The following SFTPB variants were observed in gnomAD, a reference collection of about 807,000 sequenced individuals.
The protein encoded by SFTPB is surfactant protein B, also known as pulmonary surfactant-associated protein B.
SFTPB carries 32 observed loss-of-function variants against 51.0 expected under a neutral mutation model. The observed-to-expected ratio is 0.63, with a 90% confidence interval of 0.47 to 0.84. The LOEUF (loss-of-function observed/expected upper bound fraction) is 0.84, where lower values mean the gene tolerates loss of function less well. Among genes scored for constraint, SFTPB ranks in the 40% least tolerant of loss-of-function variants. The pLI is 0.00. For synonymous variants in SFTPB, 211 were observed against 208.5 expected, an observed-to-expected ratio of 1.01 and a Z score of -0.10; for missense variants, 431 against 491.2, an observed-to-expected ratio of 0.88 and a Z score of 1.16.
rs34294663 is a variant in SFTPB at position 85,666,763 on chromosome 2, G to A, written c.268-21C>T. 2.7e-4 allele frequency: 432 copies of A among 1,613,360 alleles called. 1 individual carries two copies. In the African/African-American group the frequency reaches 4.6e-3, roughly 17 times the overall value. ...GTGTCCTGGGAGGCCAGAGGGGGCC[G>A]TCAGCTGGGCCTCTCTGAGGTCTAC... On this transcript the variant is annotated intron_variant, in intron 3 of 10. Coordinates refer to ENST00000519937, the MANE Select transcript of SFTPB (RefSeq NM_000542.5).
chr2:85,665,406 G>T, intron 5 of SFTPB, 28 bp from the exon 6 acceptor site: 1 of 1,580,504 alleles, frequency 6.3e-7, no homozygotes, highest in Non-Finnish European at 8.7e-7. Flanking sequence ...TGGAGGCCAG[G>T]CTGGGTGCTG....
Position 85,666,630 on chromosome 2 carries a change from A to C in SFTPB, c.380T>G (p.Phe127Cys), listed in dbSNP as rs1677657202. 6 of 1,613,294 alleles carry C rather than the reference A, an allele frequency of 3.7e-6. No homozygotes were observed. The highest frequency in any genetic ancestry group is 1.3e-5 in the African/African-American group (1 of 74,718). The change falls in exon 4 of 11, where the codon TTC (phenylalanine) becomes TGC (cysteine). Residue 127 changes from phenylalanine to cysteine, a missense_variant. Coordinates refer to ENST00000519937, the MANE Select transcript of SFTPB (RefSeq NM_000542.5). ...TGCAGCCCTCACAGTCTGGTTCTGGAAGTAGTCGATGACCAGGGGGAAGTA... is the reference window on the plus strand; with the variant it reads ...TGCAGCCCTCACAGTCTGGTTCTGGCAGTAGTCGATGACCAGGGGGAAGTA... ...DDYFPLVIDY[F>C]QNQTDSNGIC...
At chr2:85,666,215 C>CTG (rs34530476) in intron 4 of SFTPB, among the ~76,000 whole-genome samples, 13,748 of 96,138 alleles carry the variant, frequency 0.14, 1,028 homozygotes, top group African/African-American at 0.21. Flanking sequence ...TGTGTGTGTG[C>CTG]TGTGTGTGTG....
chr2:85,661,283 C>A, intron 10 of SFTPB, 171 bp downstream of exon 10: 1 of 546,454 alleles, frequency 1.8e-6, no homozygotes, highest in Non-Finnish European at 3.3e-6. Flanking sequence ...GGGTGTTTTC[C>A]TGATGGCCAG....
At chr2:85,666,845 C>T (rs774508107) in intron 3 of SFTPB, 103 bp from the exon 4 acceptor site, 37 of 1,508,752 alleles carry the variant, frequency 2.5e-5, no homozygotes, top group Non-Finnish European at 3.3e-5. Flanking sequence ...CCTAATCCCC[C>T]AGGGTGCTGG....
Position 85,665,761 on chromosome 2 carries a change from A to G in SFTPB, c.427T>C (p.Cys143Arg). 1 of 1,614,170 alleles carries G rather than the reference A, an allele frequency of 6.2e-7. No homozygotes were observed. Among genetic ancestry groups the G allele is most frequent in the Non-Finnish European group, 8.5e-7 (1 of 1,180,030 alleles). Residue 143 changes from cysteine (C) to arginine (R), a missense_variant, in exon 5 of 11, where the codon TGC becomes CGC. Transcript: ENST00000519937. ...SNGICMHLGLCKSRQPEPEQE... is the reference protein window; with the variant it reads ...SNGICMHLGLRKSRQPEPEQE... ...TCTGGCTCTGGCTGCCGGGATTTGC[A>G]CAGGCCCAGGTGCATACAGATGCCG...
At chr2:85,661,960 C>T (rs532443417) in intron 9 of SFTPB, 69 bp downstream of exon 9, 9 of 1,477,402 alleles carry the variant, frequency 6.1e-6, no homozygotes, top group Middle Eastern at 2.2e-4. Flanking sequence ...CTGAGGATCA[C>T]GGGCCCAAAG....
In SFTPB at chr2:85,667,765, C is replaced by T. The variant is rs776744560; in HGVS notation, c.109G>A (p.Glu37Lys). Reference protein sequence around the residue: ...TSSLACAQGPEFWCQSLEQAL... With the variant: ...TSSLACAQGPKFWCQSLEQAL... ...TGCTCCAGGCTTTGGCACCAGAACT[C>T]AGGGCCCTGGGCACAGGCCAAGGAT... Residue 37 changes from glutamate (E) to lysine (K), a missense_variant, in exon 2 of 11, where the codon GAG becomes AAG. Transcript: ENST00000519937. 1.2e-6 allele frequency: 2 copies of T among 1,614,162 alleles called. No individual in the cohort carries two copies. Among genetic ancestry groups the T allele is most frequent in the East Asian group, 2.2e-5 (1 of 44,902 alleles).
intron 4 of SFTPB, among the ~76,000 whole-genome samples, chr2:85,666,077 C>T (rs531333303): frequency 6.6e-5 from 10 of 151,984 alleles, no homozygotes; most frequent in South Asian, 2.1e-4. Context: ...GGTGTGTGAG[C>T]GTACAGGCCC....
At chr2:85,667,547 C>G in intron 2 of SFTPB, 132 bp downstream of exon 2, 1 of 1,168,268 alleles carries the variant, frequency 8.6e-7, no homozygotes, top group Non-Finnish European at 1.3e-6. Flanking sequence ...TTTATCCTAT[C>G]TCATTTCATC....
chr2:85,661,219 G>T (rs1677274572), intron 10 of SFTPB: 1 of 412,498 alleles, frequency 2.4e-6, no homozygotes. Flanking sequence ...GAAGCTGGGG[G>T]TTGGGCACTC....
intron 2 of SFTPB, 40 bp from the exon 3 acceptor site, chr2:85,667,217 G>A (rs531198352): frequency 2.0e-6 from 3 of 1,470,566 alleles, no homozygotes; most frequent in Admixed American, 1.7e-5. Flanking sequence ...ACACATGAGT[G>A]GGGGAGGCTC....
At chr2:85,666,399 G>A (rs1427751026) in intron 4 of SFTPB, 37 of 535,540 alleles carry the variant, frequency 6.9e-5, no homozygotes, top group Middle Eastern at 5.0e-4. Context: ...TACTGTGTGT[G>A]TGTGTGTCCG....
chr2:85,665,230 T>G (rs1677511712), intron 6 of SFTPB, 59 bp downstream of exon 6: 4 of 1,247,662 alleles, frequency 3.2e-6, no homozygotes, highest in Non-Finnish European at 4.7e-6. Context: ...AGGTGGGAGC[T>G]GCAGGGAGCT....
intron 10 of SFTPB, among the ~76,000 whole-genome samples, chr2:85,659,986 G>A (rs1182912301): frequency 6.6e-6 from 1 of 152,170 alleles, no homozygotes; most frequent in African/African-American, 2.4e-5. Context: ...ACAGGGGCTT[G>A]TGATGCAGGG....
chr2:85,666,875 G>A lies in SFTPB; in HGVS notation c.268-133C>T, dbSNP rs569892103. The A allele has an allele frequency of 4.0e-6, 5 of 1,242,404 alleles. No individual in the cohort carries two copies. In the African/African-American group the frequency reaches 5.9e-5, roughly 15 times the overall value. 77.0% of individuals were successfully genotyped at this position (1,242,404 alleles called of 1,614,324 possible). On this transcript the variant is annotated intron_variant, in intron 3 of 10. Transcript: ENST00000519937. Reference sequence around the variant, plus strand: ...TGCTGGAGTTCACGAGTGCCAAGGAGTTAAGTAGTTGGGCACATGTAGGGG... The same window carrying A: ...TGCTGGAGTTCACGAGTGCCAAGGAATTAAGTAGTTGGGCACATGTAGGGG...
At position 85,665,925 on chromosome 2, in the gene SFTPB, C is replaced by G. The variant is rs915076451; in HGVS notation, c.394-131G>C. On this transcript the variant is annotated intron_variant, in intron 4 of 10. Coordinates refer to ENST00000519937, the MANE Select transcript of SFTPB (RefSeq NM_000542.5). ...CTAGTGGGGGTGCTGTGGTTTAGAACTCTATGTGGGGGGACAAAAGGCAAA... is the reference window on the plus strand; with the variant it reads ...CTAGTGGGGGTGCTGTGGTTTAGAAGTCTATGTGGGGGGACAAAAGGCAAA... 1.1e-5 allele frequency: 9 copies of G among 824,328 alleles called. No individual in the cohort carries two copies. In the East Asian group the frequency reaches 2.4e-4, roughly 22 times the overall value. The allele number at this position is 824,328 out of a possible 1,614,324, so 51.1% of individuals were successfully genotyped here.
At chr2:85,667,911 A>T in intron 1 of SFTPB, 105 bp from the exon 2 acceptor site, 1 of 1,519,024 alleles carries the variant, frequency 6.6e-7, no homozygotes, top group South Asian at 1.2e-5. Flanking sequence ...GTGTGAGGCC[A>T]TTAAACATGT....
chr2:85,668,275 GTGTT>G, upstream of SFTPB: 2 of 1,272,070 alleles, frequency 1.6e-6, no homozygotes, highest in Non-Finnish European at 2.2e-6. Flanking sequence ...AGCGACCTCA[GTGTT>G]TGTCTTTGCT....
Sources: gnomAD v4.1 joint callset for allele counts (sites outside exome capture counted in the v4.1 genomes callset) on GRCh38, gnomAD v4.1.1 for gene constraint, MANE v1.5 for transcripts, NCBI Gene and HGNC (gene_info 2026-07-23, HGNC 2026-07-21) for gene names.